LEKR1: variants seen among roughly 807,000 people sequenced by gnomAD.
The protein encoded by LEKR1 is protein LEKR1.
A neutral mutation model predicts 72.4 loss-of-function variants in LEKR1; 59 were observed. The ratio of observed to expected loss-of-function variants is 0.82; its 90% CI spans 0.66 to 1.01. The LOEUF (loss-of-function observed/expected upper bound fraction) is 1.01, where lower values mean the gene tolerates loss of function less well. LEKR1 is among the 50% of genes least tolerant of loss of function. The probability of loss-of-function intolerance (pLI) is 0.00; values close to 1 mark genes in which losing one functional copy is unlikely to be tolerated. For synonymous variants in LEKR1, 257 were observed against 263.2 expected, an observed-to-expected ratio of 0.98 and a Z score of 0.23; for missense variants, 728 against 759.2, an observed-to-expected ratio of 0.96 and a Z score of 0.48.
chr3:157,031,799 A>G (rs1308167956), intron 12 of LEKR1, among the ~76,000 whole-genome samples: 1 of 152,158 alleles, frequency 6.6e-6, no homozygotes, highest in African/African-American at 2.4e-5. Context: ...CAAGAGGCCA[A>G]ATAATGGGTA....
intron 5 of LEKR1, among the ~76,000 whole-genome samples, chr3:156,941,094 T>C (rs1292561319): frequency 6.6e-6 from 1 of 152,046 alleles, no homozygotes; most frequent in African/African-American, 2.4e-5. Context: ...CTCACACAAA[T>C]TGGGGCATAG....
intron 6 of LEKR1, among the ~76,000 whole-genome samples, chr3:156,976,623 T>G (rs774150685): frequency 6.6e-6 from 1 of 152,234 alleles, no homozygotes; most frequent in Non-Finnish European, 1.5e-5. Context: ...TTCATTTGTC[T>G]TAAGTATACC....
intron 9 of LEKR1, among the ~76,000 whole-genome samples, chr3:156,993,898 C>G (rs1193744985): frequency 6.6e-6 from 1 of 152,090 alleles, no homozygotes; most frequent in African/African-American, 2.4e-5. Flanking sequence ...TTTGCTCATT[C>G]TTTCTGAATC....
At chr3:156,948,402 T>C (rs1204908620) in intron 6 of LEKR1, among the ~76,000 whole-genome samples, 1 of 151,218 alleles carries the variant, frequency 6.6e-6, no homozygotes. Context: ...AGACATTTTT[T>C]ATTAGTGACT....
intron 10 of LEKR1, among the ~76,000 whole-genome samples, chr3:157,012,034 A>G (rs960682957): frequency 1.3e-5 from 2 of 152,082 alleles, no homozygotes; most frequent in Admixed American, 6.6e-5. Context: ...TGGTCTTTGG[A>G]CTTTTTTATA....
At chr3:157,045,156 C>T (rs1292121060) in intron 12 of LEKR1, among the ~76,000 whole-genome samples, 184 bp from the exon 13 acceptor site, 1 of 152,222 alleles carries the variant, frequency 6.6e-6, no homozygotes, top group African/African-American at 2.4e-5. Context: ...TCTTCAACTT[C>T]TTTCCACCAT....
intron 5 of LEKR1, among the ~76,000 whole-genome samples, chr3:156,941,854 A>G (rs1726237508): frequency 2.0e-5 from 3 of 152,074 alleles, no homozygotes; most frequent in African/African-American, 7.2e-5. Flanking sequence ...TGCTCCATGC[A>G]TTTCTCATGA....
chr3:156,876,675 TC>T (rs1269030180), intron 3 of LEKR1, among the ~76,000 whole-genome samples: 1 of 152,234 alleles, frequency 6.6e-6, no homozygotes, highest in Non-Finnish European at 1.5e-5. Context: ...TGATTTTGTA[TC>T]CTGAAACTTT....
chr3:156,865,332 G>A (rs1354751717), intron 3 of LEKR1, among the ~76,000 whole-genome samples: 2 of 151,886 alleles, frequency 1.3e-5, no homozygotes, highest in Admixed American at 6.6e-5. Flanking sequence ...TCTGTAAAAC[G>A]GGAATACTAA....
Position 156,852,873 on chromosome 3 carries a change from A to C in LEKR1, c.154A>C (p.Lys52Gln). The C allele has an allele frequency of 6.5e-7, 1 of 1,534,942 alleles. No individual in the cohort carries two copies. Among genetic ancestry groups the C allele is most frequent in the Non-Finnish European group, 8.7e-7 (1 of 1,145,162 alleles). ...EKVKAMEKEM[K>Q]FYQGSVDREK... Reference sequence around the variant, plus strand: ...AGTGAAAGCAATGGAAAAAGAGATGAAATTTTATCAAGGAAGTGTAGATCG... The same window carrying C: ...AGTGAAAGCAATGGAAAAAGAGATGCAATTTTATCAAGGAAGTGTAGATCG... The change falls in exon 3 of 13, where the codon AAA (lysine) becomes CAA (glutamine). Residue 52 changes from lysine (K) to glutamine (Q), a missense_variant. Lys to Gln is a moderately conservative substitution (Grantham distance 53, BLOSUM62 1). Transcript: ENST00000356539.
intron 12 of LEKR1, among the ~76,000 whole-genome samples, chr3:157,031,066 G>A (rs917616857): frequency 2.6e-5 from 4 of 152,118 alleles, no homozygotes; most frequent in Non-Finnish European, 5.9e-5. Context: ...ATTGCACAAA[G>A]ATATGAATAT....
rs182249123 is a variant in LEKR1 at position 157,010,149 on chromosome 3, A to T, written c.1110-1264A>T. 1.6e-4 allele frequency among the ~76,000 whole-genome samples: 24 copies of T among 151,762 alleles called. No individual in the cohort carries two copies. The South Asian group carries it at 3.9e-3, about 25-fold the overall frequency. On this transcript the variant is annotated intron_variant, in intron 9 of 12. Coordinates refer to ENST00000356539, the MANE Select transcript of LEKR1 (RefSeq NM_001004316.3). The stretch of plus-strand genomic sequence containing the variant: ...ACCTTGAGGTTTATTAATTTTATTG[A>T]TCTCAAAGAAACAAATTTTTGTTTC...
At chr3:156,946,783 T>C (rs1726722088) in intron 6 of LEKR1, among the ~76,000 whole-genome samples, 1 of 151,418 alleles carries the variant, frequency 6.6e-6, no homozygotes, top group East Asian at 1.9e-4. Flanking sequence ...CCTTTTATTA[T>C]TGGCCTGTTC....
At chr3:157,006,487 C>G (rs143008800) in intron 9 of LEKR1, among the ~76,000 whole-genome samples, 2 of 152,346 alleles carry the variant, frequency 1.3e-5, no homozygotes, top group African/African-American at 2.4e-5. Flanking sequence ...TGTTACCCAG[C>G]CATTTCATGC....
At chr3:156,991,038 A>G (rs1379963094) in intron 7 of LEKR1, among the ~76,000 whole-genome samples, 1 of 152,186 alleles carries the variant, frequency 6.6e-6, no homozygotes, top group Non-Finnish European at 1.5e-5. Context: ...TAATAGAGAC[A>G]TTTTTACAAA....
At chr3:157,007,213 AAT>A (rs1491054645) in intron 9 of LEKR1, among the ~76,000 whole-genome samples, 1 of 139,902 alleles carries the variant, frequency 7.1e-6, no homozygotes, top group Non-Finnish European at 1.6e-5. Context: ...AAATAATAAT[AAT>A]AAATAAATAA....
At chr3:156,862,807 C>T (rs776943023) in intron 3 of LEKR1, among the ~76,000 whole-genome samples, 1 of 152,000 alleles carries the variant, frequency 6.6e-6, no homozygotes, top group Non-Finnish European at 1.5e-5. Flanking sequence ...TGGTTAAGTT[C>T]GCAGCCGGTG....
intron 3 of LEKR1, among the ~76,000 whole-genome samples, chr3:156,886,753 C>T (rs902137887): frequency 1.3e-5 from 2 of 152,232 alleles, no homozygotes; most frequent in Non-Finnish European, 2.9e-5. Flanking sequence ...AGTAGGTTTT[C>T]TCCCCTTCAC....
At chr3:156,904,295 A>G (rs1010032177) in intron 3 of LEKR1, among the ~76,000 whole-genome samples, 4 of 152,164 alleles carry the variant, frequency 2.6e-5, no homozygotes, top group African/African-American at 9.7e-5. Context: ...ACACTTTAAT[A>G]TAATGGAGAT....
Sources: gnomAD v4.1 joint callset for allele counts (sites outside exome capture counted in the v4.1 genomes callset) on GRCh38, gnomAD v4.1.1 for gene constraint, MANE v1.5 for transcripts, NCBI Gene and HGNC (gene_info 2026-07-23, HGNC 2026-07-21) for gene names.